The following PLXNC1 variants were observed in gnomAD, a reference collection of about 807,000 sequenced individuals.
The protein encoded by PLXNC1 is plexin C1, also known as plexin-C1.
A neutral mutation model predicts 178.2 loss-of-function variants in PLXNC1; 75 were observed. The observed-to-expected ratio is 0.42, with a 90% CI of 0.35 to 0.51. The LOEUF is 0.51. Among genes scored for constraint, PLXNC1 ranks in the 20% least tolerant of loss-of-function variants. The pLI is 0.02. For synonymous variants in PLXNC1, 790 were observed against 779.9 expected (o/e 1.01, Z -0.22); for missense variants, 1,503 against 1,984.4 (o/e 0.76, Z 4.61).
At position 94,149,343 on chromosome 12, in the gene PLXNC1, C is replaced by T; in HGVS notation, c.372C>T (p.Leu124=). 7.0e-7 allele frequency: 1 copy of T among 1,438,166 alleles called. No individual in the cohort carries two copies. The highest frequency in any genetic ancestry group is 9.0e-7 in the Non-Finnish European group (1 of 1,105,582). 89.1% of individuals were successfully genotyped at this position (1,438,166 alleles called of 1,614,324 possible). Residue 124 remains leucine (L), a synonymous_variant, in exon 1 of 31, where the codon CTC becomes CTT. Coordinates refer to ENST00000258526, the MANE Select transcript of PLXNC1 (RefSeq NM_005761.3). ...EGAAGLGGLL[L]TGWTFDRGAC... is the part of the protein sequence containing the mutation. ...CGGCCGGCCTCGGGGGGCTGCTGCT[C>T]ACCGGCTGGACCTTCGACCGGGGCG... is the stretch of plus-strand genomic sequence containing the variant.
chr12:94,269,031 A>G (rs1417742229), intron 21 of PLXNC1, among the ~76,000 whole-genome samples: 2 of 152,146 alleles, frequency 1.3e-5, no homozygotes, highest in Admixed American at 1.3e-4. Context: ...GAGTTAGTGA[A>G]AGTTTGAGGA....
intron 9 of PLXNC1, among the ~76,000 whole-genome samples, chr12:94,231,753 C>T (rs1421849684): frequency 6.6e-6 from 1 of 152,136 alleles, no homozygotes; most frequent in East Asian, 1.9e-4. Context: ...CAGTGTCTGA[C>T]CGTCTGTCTG....
At chr12:94,223,975 G>C (rs960756120) in intron 6 of PLXNC1, among the ~76,000 whole-genome samples, 1 of 152,172 alleles carries the variant, frequency 6.6e-6, no homozygotes, top group Non-Finnish European at 1.5e-5. Context: ...TCTTCCTAGT[G>C]ATTATTCATG....
At chr12:94,269,002 C>A (rs1264131693) in intron 21 of PLXNC1, among the ~76,000 whole-genome samples, 3 of 152,054 alleles carry the variant, frequency 2.0e-5, no homozygotes, top group African/African-American at 7.2e-5. Flanking sequence ...TACGTTTTGT[C>A]AAGAGTGGAA....
Position 94,298,485 on chromosome 12 carries a change from T to C in PLXNC1, c.4075-147T>C, listed in dbSNP as rs376434150. The C allele has an allele frequency of 6.1e-4, 421 of 685,280 alleles. 7 individuals carry two copies. The South Asian group carries it at 8.3e-3, about 14-fold the overall frequency. The allele number at this position is 685,280 out of a possible 1,614,324, so 42.4% of individuals were successfully genotyped here. On this transcript the variant is annotated intron_variant, in intron 26 of 30. Coordinates refer to ENST00000258526, the MANE Select transcript of PLXNC1 (RefSeq NM_005761.3). ...CCTATACTGTGAGCACTGGCCACAT[T>C]TGACAATTTTACATTTTTCTCTTCA...
intron 4 of PLXNC1, among the ~76,000 whole-genome samples, chr12:94,199,267 A>C (rs1963035647): frequency 6.6e-6 from 1 of 152,136 alleles, no homozygotes; most frequent in African/African-American, 2.4e-5. Context: ...CCAATCCGGG[A>C]TGTGTCCTTG....
intron 22 of PLXNC1, 84 bp downstream of exon 22, chr12:94,279,733 GC>G (rs10713724): frequency 0.62 from 711,753 of 1,150,796 alleles, 223,301 homozygotes; most frequent in African/African-American, 0.7. Flanking sequence ...CCCCCTCCCT[GC>G]CCCCACCAGC....
At position 94,279,562 on chromosome 12, in the gene PLXNC1, A is replaced by G; in HGVS notation, c.3688A>G (p.Ile1230Val). ...AGTCAATGTTCTCGACTGTGACACC[A>G]TTGGCCAAGCCAAAGAAAAGATTTT... ...ISVNVLDCDT[I>V]GQAKEKIFQA... Residue 1230 changes from isoleucine (I) to valine (V), a missense_variant, in exon 22 of 31, where the codon ATT becomes GTT. Physicochemically the swap from Ile to Val is conservative, Grantham distance 29 (BLOSUM62 3). Transcript: ENST00000258526. 6.2e-7 allele frequency: 1 copy of G among 1,614,184 alleles called. No homozygotes were observed. Among genetic ancestry groups the G allele is most frequent in the East Asian group, 2.2e-5 (1 of 44,896 alleles).
chr12:94,254,296 A>G lies in PLXNC1; in HGVS notation c.2882-491A>G, dbSNP rs534101907. Among the ~76,000 whole-genome samples, 11 of 152,312 alleles carry G rather than the reference A, an allele frequency of 7.2e-5. No homozygotes were observed. In the South Asian group the frequency reaches 2.3e-3, roughly 32 times the overall value. ...GGGAGTTCCTTGTGGCTCGCTCATC[A>G]TGTCACCCCATTAGCTCTATGCAGG... is the stretch of plus-strand genomic sequence containing the variant. On this transcript the variant is annotated intron_variant, in intron 15 of 30. Coordinates refer to ENST00000258526, the MANE Select transcript of PLXNC1 (RefSeq NM_005761.3).
intron 3 of PLXNC1, among the ~76,000 whole-genome samples, chr12:94,184,567 C>T (rs746315903): frequency 2.0e-5 from 3 of 152,024 alleles, no homozygotes; most frequent in African/African-American, 2.4e-5. Context: ...GGATTACAGA[C>T]GCCCACCACT....
chr12:94,217,707 C>T (rs185900250), intron 5 of PLXNC1, among the ~76,000 whole-genome samples: 65 of 152,298 alleles, frequency 4.3e-4, no homozygotes, highest in Middle Eastern at 3.4e-3. Context: ...TTGACTGCCT[C>T]GTTCTTTCCC....
chr12:94,162,458 C>T (rs183837917), intron 1 of PLXNC1, among the ~76,000 whole-genome samples: 219 of 152,238 alleles, frequency 1.4e-3, no homozygotes, highest in African/African-American at 4.6e-3. Context: ...GGATTCAATT[C>T]TCAGCATTGT....
intron 11 of PLXNC1, 71 bp from the exon 12 acceptor site, chr12:94,243,867 G>T: frequency 1.5e-6 from 1 of 686,274 alleles, no homozygotes. Context: ...TAAATTGATA[G>T]CTTTGTTCAT....
intron 5 of PLXNC1, among the ~76,000 whole-genome samples, chr12:94,217,516 C>T (rs960781137): frequency 2.6e-5 from 4 of 152,206 alleles, no homozygotes; most frequent in African/African-American, 9.6e-5. Context: ...GAGTATCACA[C>T]AAGTATCTTG....
intron 2 of PLXNC1, among the ~76,000 whole-genome samples, chr12:94,179,602 G>A (rs1962228680): frequency 6.6e-6 from 1 of 152,008 alleles, no homozygotes; most frequent in Non-Finnish European, 1.5e-5. Context: ...TTAGCTGGGT[G>A]TGGTGGCGCA....
intron 4 of PLXNC1, among the ~76,000 whole-genome samples, chr12:94,204,958 T>A (rs138111246): frequency 6.6e-6 from 1 of 152,312 alleles, no homozygotes; most frequent in South Asian, 2.1e-4. Context: ...TATGTAGTTA[T>A]CAGATTCCTT....
intron 2 of PLXNC1, among the ~76,000 whole-genome samples, chr12:94,180,533 A>AT (rs1342858240): frequency 6.6e-6 from 1 of 152,112 alleles, no homozygotes; most frequent in African/African-American, 2.4e-5. Flanking sequence ...GTTCACTGCC[A>AT]TTTTTCAAAC....
intron 23 of PLXNC1, among the ~76,000 whole-genome samples, chr12:94,286,332 C>T (rs1177287083): frequency 6.6e-6 from 1 of 152,120 alleles, no homozygotes; most frequent in African/African-American, 2.4e-5. Context: ...GTTCTCTATG[C>T]CTGGACCATC....
intron 10 of PLXNC1, among the ~76,000 whole-genome samples, chr12:94,240,127 C>T (rs1964347639): frequency 1.3e-5 from 2 of 152,162 alleles, no homozygotes; most frequent in Admixed American, 1.3e-4. Flanking sequence ...ACAGATAAGC[C>T]ATAGTGCCAT....
Sources: allele counts gnomAD v4.1 joint callset (sites outside exome capture counted in the v4.1 genomes callset), GRCh38; gene constraint gnomAD v4.1.1; transcripts MANE v1.5; gene names NCBI Gene and HGNC (gene_info 2026-07-23, HGNC 2026-07-21).